The following WFDC10B variants were observed in gnomAD, a reference collection of about 807,000 sequenced individuals.
The protein encoded by WFDC10B is protein WFDC10B.
Under a neutral mutation model 2.7 loss-of-function variants are expected in WFDC10B, and 1 was observed. That is an observed-to-expected ratio of 0.38 (90% CI 0.13 to 1.79). The LOEUF is 1.79. Ranked by LOEUF, WFDC10B falls within the 40% of genes most tolerant of loss-of-function variation. The probability of loss-of-function intolerance (pLI) is 0.33; values close to 1 mark genes in which losing one functional copy is unlikely to be tolerated. For synonymous variants in WFDC10B, 26 were observed against 32.2 expected, an observed-to-expected ratio of 0.81 and a Z score of 0.65; for missense variants, 71 against 87.8, an observed-to-expected ratio of 0.81 and a Z score of 0.76.
At chr20:45,701,048 T>G (rs1465176296) in intron 2 of WFDC10B, among the ~76,000 whole-genome samples, 3 of 152,240 alleles carry the variant, frequency 2.0e-5, no homozygotes, top group African/African-American at 7.2e-5. Context: ...ACTGGCTTAC[T>G]GAAGAAACTT....
In WFDC10B at chr20:45,684,842, C is replaced by T. The variant is rs1983553207; in HGVS notation, c.210G>A (p.Met70Ile). 1.9e-6 allele frequency: 3 copies of T among 1,613,794 alleles called. No homozygotes were observed. Among genetic ancestry groups the T allele is most frequent in the Non-Finnish European group, 2.5e-6 (3 of 1,179,842 alleles). ...CCCACTCTCCCACTCATAGGATGCT[C>T]ATACAAATGTTCCCACAGAAGGCTG... ...CCSAFCGNIC[M>I]SIL The change falls in exon 4 of 4, where the codon ATG (methionine) becomes ATA (isoleucine). Residue 70 changes from methionine (M) to isoleucine (I), a missense_variant. By Grantham distance (10) the Met-to-Ile change is conservative. Transcript: ENST00000330523.
chr20:45,695,476 A>G (rs1223825010), intron 2 of WFDC10B, among the ~76,000 whole-genome samples: 1 of 152,240 alleles, frequency 6.6e-6, no homozygotes, highest in African/African-American at 2.4e-5. Flanking sequence ...TCTCAAGCAC[A>G]TATGGAACAT....
At chr20:45,697,737 T>TTTTTC (rs2145640625) in intron 2 of WFDC10B, among the ~76,000 whole-genome samples, 1 of 148,362 alleles carries the variant, frequency 6.7e-6, no homozygotes, top group African/African-American at 2.5e-5. Context: ...CAGGTATTTC[T>TTTTTC]TTTTCTTTTT....
At chr20:45,692,982 T>C (rs2145637727) in intron 2 of WFDC10B, among the ~76,000 whole-genome samples, 1 of 152,320 alleles carries the variant, frequency 6.6e-6, no homozygotes, top group East Asian at 1.9e-4. Flanking sequence ...GTCTTGATGA[T>C]GGTAATGTAG....
At position 45,686,071 on chromosome 20, in the gene WFDC10B, G is replaced by T; in HGVS notation, c.-64-15C>A. The T allele has an allele frequency of 6.4e-7, 1 of 1,552,338 alleles. No homozygotes were observed. Among genetic ancestry groups the T allele is most frequent in the Non-Finnish European group, 8.7e-7 (1 of 1,146,572 alleles). ...TGCAGAGCTGCCTGTGGAGAGGGAA[G>T]GAAATAAAGAAGGAATGATCTTCAG... On this transcript the variant is annotated splice_polypyrimidine_tract_variant and intron_variant, in intron 2 of 3. Transcript: ENST00000330523.
rs540580345 is a variant in WFDC10B, at chr20:45,685,412, G to A, written c.92-452C>T. 1.1e-4 allele frequency among the ~76,000 whole-genome samples: 16 copies of A among 151,670 alleles called. No homozygotes were observed. The East Asian group carries it at 1.6e-3, about 15-fold the overall frequency. The stretch of plus-strand genomic sequence containing the variant: ...CCTCTCCATCACTGTCCCTAGTATC[G>A]CTTCCCACCACCACTCTCCTGGCTC... On this transcript the variant is annotated intron_variant, in intron 3 of 3. Transcript: ENST00000330523.
rs1157239213 is a variant in WFDC10B, at chr20:45,691,408, C to T, written c.-64-5352G>A. Among the ~76,000 whole-genome samples the T allele has an allele frequency of 7.6e-3, 1,135 of 150,248 alleles. 18 individuals carry two copies. Among genetic ancestry groups the T allele is most frequent in the African/African-American group, 0.026 (1,066 of 40,754 alleles). The stretch of plus-strand genomic sequence containing the variant: ...GGGTATCCTTGTTGACTTTCTGTCT[C>T]GTTGATCTGTCTAATGTTGACAGTG... On this transcript the variant is annotated intron_variant, in intron 2 of 3. Coordinates refer to ENST00000330523, the MANE Select transcript of WFDC10B (RefSeq NM_172006.2).
intron 2 of WFDC10B, among the ~76,000 whole-genome samples, chr20:45,686,352 G>A (rs1983617986): frequency 6.6e-6 from 1 of 152,204 alleles, no homozygotes; most frequent in African/African-American, 2.4e-5. Flanking sequence ...TTTTTAAAAG[G>A]TGCTTAGAAT....
chr20:45,702,335 T>C (rs761574420), intron 2 of WFDC10B: 164 of 993,716 alleles, frequency 1.7e-4, no homozygotes, highest in South Asian at 4.6e-4. Context: ...CCAAGCTTTA[T>C]TGTTGGCAAG....
intron 2 of WFDC10B, 197 bp downstream of exon 2, chr20:45,704,300 G>C: frequency 2.8e-6 from 3 of 1,080,212 alleles, no homozygotes; most frequent in Non-Finnish European, 3.9e-6. Flanking sequence ...CAGCAGCTGA[G>C]GACAAAACCT....
intron 2 of WFDC10B, among the ~76,000 whole-genome samples, chr20:45,702,716 A>T (rs1984216409): frequency 6.6e-6 from 1 of 152,214 alleles, no homozygotes; most frequent in South Asian, 2.1e-4. Context: ...CAAACTCCAG[A>T]GGTACTGTAC....
chr20:45,698,861 A>C (rs1984056174), intron 2 of WFDC10B, among the ~76,000 whole-genome samples: 1 of 151,664 alleles, frequency 6.6e-6, no homozygotes, highest in Non-Finnish European at 1.5e-5. Flanking sequence ...CCAGCTACTC[A>C]GGAGGCTGAG....
intron 2 of WFDC10B, among the ~76,000 whole-genome samples, chr20:45,686,551 G>T (rs1197584980): frequency 6.6e-6 from 1 of 151,822 alleles, no homozygotes; most frequent in Non-Finnish European, 1.5e-5. Context: ...GGGGGGGGCG[G>T]TGAACGTAGC....
rs537820075 is a variant in WFDC10B, at chr20:45,693,678, G to A, written c.-64-7622C>T. On this transcript the variant is annotated intron_variant, in intron 2 of 3. Transcript: ENST00000330523. ...TGGTGCGCCGTTTTTTAAGCCTGTC[G>A]GAAAAGCACAGTATTGGGGTAGGAG... Among the ~76,000 whole-genome samples, 10 of 152,290 alleles carry A rather than the reference G, an allele frequency of 6.6e-5. No homozygotes were observed. In the East Asian group the frequency reaches 9.6e-4, roughly 15 times the overall value.
chr20:45,694,954 A>G (rs1983934757), intron 2 of WFDC10B, among the ~76,000 whole-genome samples: 1 of 152,232 alleles, frequency 6.6e-6, no homozygotes, highest in African/African-American at 2.4e-5. Flanking sequence ...GGAGGGTGGC[A>G]CACACAACTC....
At chr20:45,703,739 AC>A (rs1984271691) in intron 2 of WFDC10B, among the ~76,000 whole-genome samples, 1 of 152,194 alleles carries the variant, frequency 6.6e-6, no homozygotes, top group African/African-American at 2.4e-5. Flanking sequence ...TAGGAAGTCA[AC>A]ATAATGATGC....
chr20:45,704,688 T>G lies in WFDC10B; in HGVS notation c.-129-127A>C, dbSNP rs1600969052. ...ACCAGCAACTGTGCTGGATCTCTCC[T>G]TTTTTTTTTTTTTCCTTGGTGGCCA... On this transcript the variant is annotated intron_variant, in intron 1 of 3. Transcript: ENST00000330523. 4 of 106,436 alleles carry G rather than the reference T, an allele frequency of 3.8e-5. No homozygotes were observed. The South Asian group carries it at 2.0e-3, about 54-fold the overall frequency. 6.6% of individuals were successfully genotyped at this position (106,436 alleles called of 1,614,324 possible).
In WFDC10B at chr20:45,684,768, G is replaced by A; in HGVS notation, c.*62C>T. 1.3e-6 allele frequency: 2 copies of A among 1,585,526 alleles called. No individual in the cohort carries two copies. Among genetic ancestry groups the A allele is most frequent in the Non-Finnish European group, 1.7e-6 (2 of 1,163,600 alleles). Reference sequence around the variant, plus strand: ...TTTGATGTCCTTGTGCTTCGGATGTGGGCACAGTCTCGGATGGAAGGGTTC... The same window carrying A: ...TTTGATGTCCTTGTGCTTCGGATGTAGGCACAGTCTCGGATGGAAGGGTTC... On this transcript the variant is annotated 3_prime_UTR_variant, in exon 4 of 4. Transcript: ENST00000330523.
chr20:45,685,754 T>C, intron 3 of WFDC10B, 148 bp downstream of exon 3: 1 of 1,349,706 alleles, frequency 7.4e-7, no homozygotes, highest in Non-Finnish European at 1.0e-6. Flanking sequence ...AGGGCCATGG[T>C]TTGGGACAGC....
Sources: gnomAD v4.1 joint callset for allele counts (sites outside exome capture counted in the v4.1 genomes callset) on GRCh38, gnomAD v4.1.1 for gene constraint, MANE v1.5 for transcripts, NCBI Gene and HGNC (gene_info 2026-07-23, HGNC 2026-07-21) for gene names.